Variants in COL14A1 observed in about 807,000 individuals in gnomAD.
COL14A1 encodes the protein collagen alpha-1(XIV) chain.
Under a neutral mutation model 230.3 loss-of-function variants are expected in COL14A1, and 136 were observed. The ratio of observed to expected loss-of-function variants is 0.59; its 90% CI spans 0.51 to 0.68. The LOEUF (loss-of-function observed/expected upper bound fraction) is 0.68. Among genes scored for constraint, COL14A1 ranks in the 30% least tolerant of loss-of-function variants. COL14A1 has a pLI of 0.00. For missense variants in COL14A1, 1,976 were observed against 2,215.8 expected (o/e 0.89, Z 2.17); for synonymous variants, 792 against 784.1 (o/e 1.01, Z -0.17).
At chr8:120,299,187 T>C (rs768297799) in intron 35 of COL14A1, among the ~76,000 whole-genome samples, 2 of 151,978 alleles carry the variant, frequency 1.3e-5, no homozygotes, top group Non-Finnish European at 2.9e-5. Flanking sequence ...AGATGAGATT[T>C]GGGTGGGGAC....
At position 120,371,374 on chromosome 8, in the gene COL14A1, A is replaced by T. The variant is rs1364906328; in HGVS notation, c.*143A>T. ...TAAATCTCCTCCTTGGATAATGTTA[A>T]TATTATTATTATTATTAACAAAAAA... On this transcript the variant is annotated 3_prime_UTR_variant, in exon 48 of 48. Transcript: ENST00000297848. 1.8e-5 allele frequency: 7 copies of T among 399,634 alleles called. No individual in the cohort carries two copies. The highest frequency in any genetic ancestry group is 1.0e-4 in the African/African-American group (5 of 48,402). 24.8% of individuals were successfully genotyped at this position (399,634 alleles called of 1,614,324 possible).
At chr8:120,363,267 T>G (rs1823291478) in intron 45 of COL14A1, among the ~76,000 whole-genome samples, 1 of 152,222 alleles carries the variant, frequency 6.6e-6, no homozygotes, top group Non-Finnish European at 1.5e-5. Context: ...TGAGATCATG[T>G]ACTTTGCAGA....
Position 120,243,975 on chromosome 8 carries a change from G to A in COL14A1, c.2446G>A (p.Glu816Lys), listed in dbSNP as rs758986469. The A allele has an allele frequency of 6.3e-5, 102 of 1,613,252 alleles. No homozygotes were observed. Among genetic ancestry groups the A allele is most frequent in the Non-Finnish European group, 5.8e-5 (69 of 1,179,530 alleles). ...AGTGACTCCCATCTACACGGATGGCGAAGGCGTCAGCGTCTCCGCTCCTGG... is the reference window on the plus strand; with the variant it reads ...AGTGACTCCCATCTACACGGATGGCAAAGGCGTCAGCGTCTCCGCTCCTGG... ...VTVTPIYTDG[E>K]GVSVSAPGKT... The change falls in exon 20 of 48, where the codon GAA becomes AAA. Residue 816 changes from glutamate (E) to lysine (K), a missense_variant. This residue lies in a region of COL14A1 where 1,791 missense variants were observed against 2,019.5 expected (regional missense o/e 0.89). Coordinates refer to ENST00000297848, the MANE Select transcript of COL14A1 (RefSeq NM_021110.4).
chr8:120,207,530 A>C (rs1817475820), intron 10 of COL14A1, among the ~76,000 whole-genome samples: 1 of 152,082 alleles, frequency 6.6e-6, no homozygotes, highest in African/African-American at 2.4e-5. Flanking sequence ...AGTTTTCCGG[A>C]CATTTGTAGG....
intron 34 of COL14A1, among the ~76,000 whole-genome samples, chr8:120,295,750 T>G (rs1467982977): frequency 6.6e-6 from 1 of 151,898 alleles, no homozygotes; most frequent in Non-Finnish European, 1.5e-5. Flanking sequence ...AAATATTTCC[T>G]CTATACTAAC....
intron 34 of COL14A1, among the ~76,000 whole-genome samples, chr8:120,296,849 A>G (rs1298934595): frequency 6.6e-6 from 1 of 151,992 alleles, no homozygotes; most frequent in Non-Finnish European, 1.5e-5. Flanking sequence ...ACAATACTGA[A>G]TGTGAAGCTG....
At chr8:120,319,660 T>A (rs1234151278) in intron 40 of COL14A1, among the ~76,000 whole-genome samples, 2 of 152,216 alleles carry the variant, frequency 1.3e-5, no homozygotes, top group African/African-American at 4.8e-5. Context: ...TGAAACATCT[T>A]TTCTTCTAAT....
chr8:120,281,635 A>C (rs10110786), intron 31 of COL14A1, among the ~76,000 whole-genome samples: 19,552 of 151,912 alleles, frequency 0.13, 1,384 homozygotes, highest in Non-Finnish European at 0.16. Flanking sequence ...GCTTATGTAC[A>C]CTAACTCACT....
intron 40 of COL14A1, among the ~76,000 whole-genome samples, chr8:120,318,200 A>G (rs1821303378): frequency 6.6e-6 from 1 of 152,192 alleles, no homozygotes; most frequent in African/African-American, 2.4e-5. Context: ...CATTGAGCAG[A>G]TATAATATGC....
At chr8:120,356,609 A>G (rs779157672) in intron 45 of COL14A1, among the ~76,000 whole-genome samples, 5 of 152,028 alleles carry the variant, frequency 3.3e-5, no homozygotes, top group Admixed American at 6.6e-5. Flanking sequence ...CAAACAACAT[A>G]TCAATCATTT....
chr8:120,182,813 G>A (rs1364542928), intron 5 of COL14A1, among the ~76,000 whole-genome samples: 1 of 138,650 alleles, frequency 7.2e-6, no homozygotes. Flanking sequence ...TGCAACCTTC[G>A]CCCCTGGGGC....
chr8:120,367,309 C>A (rs567125558), intron 46 of COL14A1, 61 bp downstream of exon 46: 3 of 1,373,434 alleles, frequency 2.2e-6, no homozygotes, highest in South Asian at 2.5e-5. Context: ...CTTGGCATTG[C>A]AAGTGAGGAA....
intron 14 of COL14A1, among the ~76,000 whole-genome samples, chr8:120,224,044 T>TTTTTTTTTTTC (rs1349033999): frequency 6.9e-6 from 1 of 144,932 alleles, no homozygotes; most frequent in Non-Finnish European, 1.5e-5. Flanking sequence ...TTTTTTTTTT[T>TTTTTTTTTTTC]GAGACAGAGT....
At chr8:120,152,162 A>AAT (rs1416172613) in intron 2 of COL14A1, among the ~76,000 whole-genome samples, 1 of 152,134 alleles carries the variant, frequency 6.6e-6, no homozygotes, top group Non-Finnish European at 1.5e-5. Flanking sequence ...ATAATCAACG[A>AAT]ATATAGCTAG....
intron 3 of COL14A1, among the ~76,000 whole-genome samples, chr8:120,161,451 G>A (rs1309041639): frequency 2.0e-5 from 3 of 152,186 alleles, no homozygotes; most frequent in Non-Finnish European, 4.4e-5. Flanking sequence ...GTAACCTGAT[G>A]GAGAGGTAAT....
intron 1 of COL14A1, among the ~76,000 whole-genome samples, chr8:120,136,699 C>A (rs939905423): frequency 6.6e-6 from 1 of 151,830 alleles, no homozygotes; most frequent in South Asian, 2.1e-4. Flanking sequence ...TGTGGTGGCT[C>A]ATGCCTGTAA....
At chr8:120,131,838 C>CTTTTTTTT (rs1172286717) in intron 1 of COL14A1, among the ~76,000 whole-genome samples, 3 of 68,980 alleles carry the variant, frequency 4.3e-5, no homozygotes, top group African/African-American at 1.7e-4. Context: ...TTCTTCCTTT[C>CTTTTTTTT]TTTTTTTTTT....
At chr8:120,269,937 C>G in intron 25 of COL14A1, 98 bp from the exon 26 acceptor site, 1 of 1,267,364 alleles carries the variant, frequency 7.9e-7, no homozygotes, top group Non-Finnish European at 1.1e-6. Context: ...TGAAAAAGAG[C>G]TTCACTTAGC....
chr8:120,174,710 G>T (rs954222970), intron 5 of COL14A1, among the ~76,000 whole-genome samples: 1 of 152,144 alleles, frequency 6.6e-6, no homozygotes, highest in Non-Finnish European at 1.5e-5. Context: ...ATGGAAAATA[G>T]GTGTCTTCCT....
Sources: allele counts gnomAD v4.1 joint callset (sites outside exome capture counted in the v4.1 genomes callset), GRCh38; gene constraint gnomAD v4.1.1; regional missense constraint gnomAD v4.1.1; transcripts MANE v1.5; gene names NCBI Gene and HGNC (gene_info 2026-07-23, HGNC 2026-07-21).